The following GREB1L variants were observed in gnomAD, a reference collection of about 807,000 sequenced individuals.
GREB1L encodes GREB1-like protein.
Under a neutral mutation model 200.8 loss-of-function variants are expected in GREB1L, and 17 were observed. The ratio of observed to expected loss-of-function variants is 0.08; its 90% confidence interval spans 0.06 to 0.13. The LOEUF (loss-of-function observed/expected upper bound fraction) is 0.13, where lower values mean the gene tolerates loss of function less well. Ranked by LOEUF, GREB1L falls within the 10% of genes least tolerant of loss-of-function variation. GREB1L has a pLI of 1.00. For missense variants in GREB1L, 1,657 were observed against 2,367.7 expected, an observed-to-expected ratio of 0.70 and a Z score of 6.23; for synonymous variants, 789 against 893.0, an observed-to-expected ratio of 0.88 and a Z score of 2.08.
chr18:21,378,657 G>A (rs935119938), intron 2 of GREB1L, among the ~76,000 whole-genome samples: 1 of 152,174 alleles, frequency 6.6e-6, no homozygotes, highest in African/African-American at 2.4e-5. Context: ...TTACAGGCGT[G>A]AGCCACCGCA....
intron 19 of GREB1L, among the ~76,000 whole-genome samples, chr18:21,493,865 C>CAAAAAA (rs35758360): frequency 0.033 from 1,283 of 38,472 alleles, 514 homozygotes; most frequent in East Asian, 0.11. Flanking sequence ...GACCCTGTCT[C>CAAAAAA]AAAAAAAAAA....
At chr18:21,380,117 A>T (rs2040242104) in intron 2 of GREB1L, among the ~76,000 whole-genome samples, 2 of 152,170 alleles carry the variant, frequency 1.3e-5, no homozygotes, top group African/African-American at 2.4e-5. Context: ...TCTTCAAATC[A>T]TAGGAATCTC....
intron 15 of GREB1L, among the ~76,000 whole-genome samples, chr18:21,467,621 G>A (rs1225436992): frequency 1.3e-5 from 2 of 152,122 alleles, no homozygotes; most frequent in Non-Finnish European, 1.5e-5. Flanking sequence ...TTGGAACCTC[G>A]TACACTGCTG....
chr18:21,256,454 G>C (rs1244488212), intron 1 of GREB1L, among the ~76,000 whole-genome samples: 1 of 152,150 alleles, frequency 6.6e-6, no homozygotes, highest in African/African-American at 2.4e-5. Context: ...TTAGTTCTAA[G>C]GTGAGGAATA....
At chr18:21,258,111 G>C (rs2037830575) in intron 1 of GREB1L, among the ~76,000 whole-genome samples, 1 of 152,222 alleles carries the variant, frequency 6.6e-6, no homozygotes, top group Non-Finnish European at 1.5e-5. Flanking sequence ...GTCAGGAATT[G>C]CATCTTACAA....
At position 21,523,029 on chromosome 18, in the gene GREB1L, A is replaced by C; in HGVS notation, c.*208A>C. 1 of 497,402 alleles carries C rather than the reference A, an allele frequency of 2.0e-6. No individual in the cohort carries two copies. The highest frequency in any genetic ancestry group is 3.5e-6 in the Non-Finnish European group (1 of 283,852). The allele number at this position is 497,402 out of a possible 1,614,324, so 30.8% of individuals were successfully genotyped here. The stretch of plus-strand genomic sequence containing the variant: ...TTCCAATTACAGGACCCTTAAATTC[A>C]GGTAAACTCTATCCTAGGCAGTTAT... On this transcript the variant is annotated 3_prime_UTR_variant, in exon 33 of 33. Coordinates refer to ENST00000424526, the MANE Select transcript of GREB1L (RefSeq NM_001142966.3).
intron 1 of GREB1L, among the ~76,000 whole-genome samples, chr18:21,306,441 T>G (rs2038701554): frequency 6.6e-6 from 1 of 152,218 alleles, no homozygotes; most frequent in African/African-American, 2.4e-5. Context: ...CTTTTTCTCT[T>G]GTAATGCCTG....
chr18:21,467,838 C>T (rs1349253198), intron 15 of GREB1L, among the ~76,000 whole-genome samples: 1 of 152,046 alleles, frequency 6.6e-6, no homozygotes, highest in Admixed American at 6.5e-5. Context: ...TTCTGGCTAA[C>T]ACAGTGAAAC....
intron 1 of GREB1L, among the ~76,000 whole-genome samples, chr18:21,260,731 C>T (rs1297152156): frequency 2.6e-5 from 4 of 151,748 alleles, no homozygotes; most frequent in Non-Finnish European, 4.4e-5. Context: ...TTTTCTTTCT[C>T]CTAAGAATTA....
intron 1 of GREB1L, among the ~76,000 whole-genome samples, chr18:21,251,938 C>T (rs962995910): frequency 5.2e-5 from 7 of 134,078 alleles, no homozygotes; most frequent in Non-Finnish European, 1.5e-5. Context: ...GAGTGAGACT[C>T]CATCTCAAAA....
intron 1 of GREB1L, among the ~76,000 whole-genome samples, chr18:21,263,819 CAGAAGCAAT>C (rs1277687013): frequency 7.9e-5 from 12 of 152,170 alleles, no homozygotes; most frequent in Admixed American, 3.9e-4. Context: ...TAGGTTATCT[CAGAAGCAAT>C]AGAGATCAGA....
intron 1 of GREB1L, among the ~76,000 whole-genome samples, chr18:21,342,698 C>T (rs953795745): frequency 9.2e-5 from 14 of 152,104 alleles, no homozygotes; most frequent in African/African-American, 3.4e-4. Context: ...CAATGGGACT[C>T]ACCACCCTGG....
intron 1 of GREB1L, among the ~76,000 whole-genome samples, chr18:21,311,514 A>G (rs576316421): frequency 6.6e-6 from 1 of 152,268 alleles, no homozygotes; most frequent in South Asian, 2.1e-4. Context: ...GTTGAAGATA[A>G]TCCTCTGAAA....
chr18:21,485,456 G>A (rs1183838599), intron 17 of GREB1L, 164 bp from the exon 18 acceptor site: 1 of 509,820 alleles, frequency 2.0e-6, no homozygotes, highest in Non-Finnish European at 3.4e-6. Flanking sequence ...GTGCCTCAGA[G>A]ATGACTGCAG....
In GREB1L at chr18:21,430,055, CTCT is replaced by C. The variant is rs2033017705; in HGVS notation, c.833-9458_833-9456del. Among the ~76,000 whole-genome samples, 3 of 152,070 alleles carry C rather than the reference CTCT, an allele frequency of 2.0e-5. No individual in the cohort carries two copies. In the South Asian group the frequency reaches 6.2e-4, roughly 32 times the overall value. ...CTGTGTATGGGCACATTCCTGATGTCTCTTCTTCTTTTAAGGACACCAGTCCTT... is the reference window on the plus strand; with the variant it reads ...CTGTGTATGGGCACATTCCTGATGTCTCTTCTTTTAAGGACACCAGTCCTT... On this transcript the variant is annotated intron_variant, in intron 7 of 32. Coordinates refer to ENST00000424526, the MANE Select transcript of GREB1L (RefSeq NM_001142966.3).
intron 1 of GREB1L, among the ~76,000 whole-genome samples, chr18:21,302,050 G>T (rs911896951): frequency 5.3e-5 from 8 of 152,198 alleles, no homozygotes; most frequent in Admixed American, 5.2e-4. Context: ...TTTAACTCTG[G>T]TATGTTGAAA....
intron 27 of GREB1L, among the ~76,000 whole-genome samples, chr18:21,509,511 G>A (rs1223476448): frequency 1.3e-5 from 2 of 151,988 alleles, no homozygotes; most frequent in Non-Finnish European, 2.9e-5. Flanking sequence ...TCCTTCTTAG[G>A]TCTCTCCCAT....
intron 1 of GREB1L, among the ~76,000 whole-genome samples, chr18:21,308,742 G>A (rs780519273): frequency 5.3e-5 from 8 of 152,204 alleles, no homozygotes; most frequent in Non-Finnish European, 1.0e-4. Context: ...CCTGGACTGA[G>A]GAGAGAGATG....
At chr18:21,492,936 G>A (rs1374116895) in intron 19 of GREB1L, among the ~76,000 whole-genome samples, 4 of 152,206 alleles carry the variant, frequency 2.6e-5, no homozygotes, top group African/African-American at 4.8e-5. Context: ...GTGCAACAGA[G>A]TGAGACCCTG....
Sources: gnomAD v4.1 joint callset for allele counts (sites outside exome capture counted in the v4.1 genomes callset) on GRCh38, gnomAD v4.1.1 for gene constraint, MANE v1.5 for transcripts, NCBI Gene and HGNC (gene_info 2026-07-23, HGNC 2026-07-21) for gene names.